ZFYVE28: variants seen among roughly 807,000 people sequenced by gnomAD.
The protein encoded by ZFYVE28 is zinc finger FYVE-type containing 28.
Under a neutral mutation model 82.1 loss-of-function variants are expected in ZFYVE28, and 40 were observed. The ratio of observed to expected loss-of-function variants is 0.49; its 90% confidence interval spans 0.38 to 0.63. ZFYVE28 has a LOEUF of 0.63. ZFYVE28 is among the 30% of genes least tolerant of loss of function. The pLI, the probability that ZFYVE28 is intolerant of heterozygous loss-of-function variation, is 0.00. For missense variants in ZFYVE28, 1,321 were observed against 1,242.1 expected, an observed-to-expected ratio of 1.06 and a Z score of -0.96; for synonymous variants, 612 against 546.1, an observed-to-expected ratio of 1.12 and a Z score of -1.68.
intron 7 of ZFYVE28, among the ~76,000 whole-genome samples, chr4:2,317,372 A>T (rs1356573333): frequency 2.0e-5 from 3 of 152,200 alleles, no homozygotes; most frequent in Non-Finnish European, 4.4e-5. Context: ...TTTCCACCAG[A>T]GGGGACTACC....
At chr4:2,331,358 G>A (rs1010609787) in intron 6 of ZFYVE28, among the ~76,000 whole-genome samples, 2 of 151,958 alleles carry the variant, frequency 1.3e-5, no homozygotes, top group African/African-American at 2.4e-5. Context: ...TTTTAAGGCC[G>A]GGGCTGGGCA....
chr4:2,274,280 G>A, intron 8 of ZFYVE28, 64 bp from the exon 9 acceptor site: 1 of 1,556,388 alleles, frequency 6.4e-7, no homozygotes, highest in Non-Finnish European at 8.7e-7. Context: ...GGAGCCCGAA[G>A]GTCACTGGTC....
intron 2 of ZFYVE28, among the ~76,000 whole-genome samples, chr4:2,351,772 TG>T (rs899113189): frequency 2.0e-5 from 3 of 152,204 alleles, no homozygotes; most frequent in African/African-American, 7.2e-5. Context: ...AGTCCAGGCA[TG>T]GTCTGTGCTT....
At position 2,271,725 on chromosome 4, in the gene ZFYVE28, G is replaced by T; in HGVS notation, c.2378C>A (p.Thr793Asn). Residue 793 changes from threonine to asparagine, a missense_variant, in exon 11 of 13, where the codon ACC becomes AAC. Transcript: ENST00000290974. The stretch of plus-strand genomic sequence containing the variant: ...GGCTGCCAGTTCAGAGGATGACAGG[G>T]TCTCCTGGCACAGTGCACAGTCCTC... ...ALEDCALCQE[T>N]LSSSELAAKT... 1 of 1,613,926 alleles carries T rather than the reference G, an allele frequency of 6.2e-7. No individual in the cohort carries two copies. The highest frequency in any genetic ancestry group is 8.5e-7 in the Non-Finnish European group (1 of 1,180,010).
intron 1 of ZFYVE28, among the ~76,000 whole-genome samples, chr4:2,384,280 C>T (rs61562698): frequency 0.058 from 8,780 of 152,204 alleles, 743 homozygotes; most frequent in African/African-American, 0.19. Context: ...CCTTTATCTG[C>T]GAAGAGGAAA....
intron 1 of ZFYVE28, among the ~76,000 whole-genome samples, chr4:2,392,850 C>T (rs1366209726): frequency 6.6e-6 from 1 of 152,156 alleles, no homozygotes; most frequent in Non-Finnish European, 1.5e-5. Context: ...CAGCTTTGGC[C>T]CTGTGAGTTT....
At chr4:2,386,456 G>A (rs1183798599) in intron 1 of ZFYVE28, among the ~76,000 whole-genome samples, 1 of 152,192 alleles carries the variant, frequency 6.6e-6, no homozygotes, top group African/African-American at 2.4e-5. Flanking sequence ...CTGCAATCCA[G>A]CCTGGGCAAC....
At chr4:2,385,415 C>A (rs1199345431) in intron 1 of ZFYVE28, among the ~76,000 whole-genome samples, 1 of 152,228 alleles carries the variant, frequency 6.6e-6, no homozygotes, top group Non-Finnish European at 1.5e-5. Context: ...GCTGAGAGAG[C>A]ACCTGCTGCC....
chr4:2,324,053 T>G (rs565617631), intron 6 of ZFYVE28, among the ~76,000 whole-genome samples: 1 of 152,158 alleles, frequency 6.6e-6, no homozygotes, highest in African/African-American at 2.4e-5. Context: ...AACAGGAAGA[T>G]TTACCCTCTG....
intron 1 of ZFYVE28, among the ~76,000 whole-genome samples, chr4:2,396,909 C>T (rs904252794): frequency 3.9e-5 from 6 of 152,162 alleles, no homozygotes; most frequent in Non-Finnish European, 8.8e-5. Flanking sequence ...TCCTGAGCAG[C>T]GAGTCATGAC....
intron 1 of ZFYVE28, among the ~76,000 whole-genome samples, chr4:2,404,931 T>C (rs10019855): frequency 0.23 from 33,603 of 146,776 alleles, 3,986 homozygotes; most frequent in Non-Finnish European, 0.25. Context: ...AGTGGCACAG[T>C]CGTAGTTCAC....
intron 7 of ZFYVE28, among the ~76,000 whole-genome samples, chr4:2,306,584 T>C (rs1716608885): frequency 6.6e-6 from 1 of 152,062 alleles, no homozygotes; most frequent in Non-Finnish European, 1.5e-5. Context: ...CCAGATAAAA[T>C]ATAGGACACC....
At chr4:2,271,445 G>C (rs371821982) in intron 11 of ZFYVE28, 31 bp from the exon 12 acceptor site, 1 of 1,603,698 alleles carries the variant, frequency 6.2e-7, no homozygotes, top group African/African-American at 1.3e-5. Context: ...TCACATCAGC[G>C]ACGGCAGGAG....
intron 1 of ZFYVE28, among the ~76,000 whole-genome samples, chr4:2,358,621 A>C (rs1461954790): frequency 6.6e-6 from 1 of 152,322 alleles, no homozygotes; most frequent in Non-Finnish European, 1.5e-5. Flanking sequence ...GTTACTGAGC[A>C]CAGACTGCCC....
rs10682316 is a variant in ZFYVE28, at chr4:2,416,807, C to CCT, written c.39+1477_39+1478insAG. ...ACGCCACAGGAACCCTGAATCCCCC[C>CCT]GAGTCCCCTCCCAATCAAGCCAAGG... On this transcript the variant is annotated intron_variant, in intron 1 of 12. Transcript: ENST00000290974. The surrounding 1 kb of genome is among the most constrained non-coding windows in gnomAD (Gnocchi z 4.6). Among the ~76,000 whole-genome samples, 63 of 150,642 alleles carry CCT rather than the reference C, an allele frequency of 4.2e-4. No individual in the cohort carries two copies. Among genetic ancestry groups the CCT allele is most frequent in the African/African-American group, 1.4e-3 (56 of 40,578 alleles).
At position 2,307,769 on chromosome 4, in the gene ZFYVE28, C is replaced by A. The variant is rs112401897; in HGVS notation, c.804-2233G>T. ...TTGGCCTCCCAAAGTGCTGGGATTA[C>A]GGCATGAGCCACCATGCCTGGATTT... On this transcript the variant is annotated intron_variant, in intron 7 of 12. Coordinates refer to ENST00000290974, the MANE Select transcript of ZFYVE28 (RefSeq NM_020972.3). Among the ~76,000 whole-genome samples, 1,025 of 152,148 alleles carry A rather than the reference C, an allele frequency of 6.7e-3. 17 individuals carry two copies. Among genetic ancestry groups the A allele is most frequent in the African/African-American group, 0.024 (976 of 41,516 alleles).
chr4:2,395,032 G>T (rs1011380641), intron 1 of ZFYVE28, among the ~76,000 whole-genome samples: 3 of 152,074 alleles, frequency 2.0e-5, no homozygotes, highest in Non-Finnish European at 4.4e-5. Context: ...TAGTAAGGTG[G>T]CCTACAGTGA....
rs921524360 is a variant in ZFYVE28, at chr4:2,341,144, G to A, written c.318+334C>T. Among the ~76,000 whole-genome samples the A allele has an allele frequency of 2.0e-5, 3 of 152,324 alleles. No homozygotes were observed. Among genetic ancestry groups the A allele is most frequent in the South Asian group, 4.1e-4 (2 of 4,830 alleles). On this transcript the variant is annotated intron_variant, in intron 3 of 12. Coordinates refer to ENST00000290974, the MANE Select transcript of ZFYVE28 (RefSeq NM_020972.3). This position sits in a 1 kb window ranked among gnomAD's most constrained non-coding sequence, Gnocchi z 4.5. ...CTGCTGCTGCCCATGCTGCAGGGCC[G>A]GAGGGGAACACTTGTTCCTGATGTG...
At chr4:2,399,223 C>T (rs965141759) in intron 1 of ZFYVE28, among the ~76,000 whole-genome samples, 16 of 151,368 alleles carry the variant, frequency 1.1e-4, no homozygotes, top group Non-Finnish European at 1.9e-4. Context: ...ATAACCAGTG[C>T]ACAATGTGGG....
Sources: gnomAD v4.1 joint callset for allele counts (sites outside exome capture counted in the v4.1 genomes callset) on GRCh38, gnomAD v4.1.1 for gene constraint, Gnocchi (gnomAD v3.1) non-coding constraint, MANE v1.5 for transcripts, NCBI Gene and HGNC (gene_info 2026-07-23, HGNC 2026-07-21) for gene names.